The following RAP1GAP2 variants were observed in gnomAD, a reference collection of about 807,000 sequenced individuals.
RAP1GAP2 encodes the protein RAP1 GTPase activating protein 2, also known as rap1 GTPase-activating protein 2.
Under a neutral mutation model 95.0 loss-of-function variants are expected in RAP1GAP2, and 27 were observed. The observed-to-expected ratio is 0.28, with a 90% confidence interval of 0.21 to 0.39. The LOEUF (loss-of-function observed/expected upper bound fraction) is 0.39. Among genes scored for constraint, RAP1GAP2 ranks in the 10% least tolerant of loss-of-function variants. RAP1GAP2 has a pLI of 1.00. For synonymous variants in RAP1GAP2, 373 were observed against 380.9 expected, an observed-to-expected ratio of 0.98 and a Z score of 0.24; for missense variants, 771 against 970.0, an observed-to-expected ratio of 0.79 and a Z score of 2.72.
At position 2,965,697 on chromosome 17, in the gene RAP1GAP2, G is replaced by T. The variant is rs140967348; in HGVS notation, c.596+54G>T. ...TTCTCTTCCAGGCAGGGCTCTCATC[G>T]GTGGTGTGGGGGCTGGGATGGGACT... On this transcript the variant is annotated intron_variant, in intron 8 of 24. Coordinates refer to ENST00000254695, the MANE Select transcript of RAP1GAP2 (RefSeq NM_015085.5). This position sits in a 1 kb window ranked among gnomAD's most constrained non-coding sequence, Gnocchi z 4.7. The T allele has an allele frequency of 5.3e-6, 7 of 1,311,970 alleles. No homozygotes were observed. The highest frequency in any genetic ancestry group is 3.8e-5 in the South Asian group (3 of 79,912). The allele number at this position is 1,311,970 out of a possible 1,614,324, so 81.3% of individuals were successfully genotyped here. A position where few individuals can be genotyped will look rare whatever the true frequency, so the allele number is the denominator to read the frequency against.
intron 16 of RAP1GAP2, among the ~76,000 whole-genome samples, chr17:3,006,297 T>C (rs1008981692): frequency 2.0e-5 from 3 of 150,242 alleles, no homozygotes; most frequent in Admixed American, 1.3e-4. Context: ...CCCAGCTAAT[T>C]TTTGTATTTT....
intron 1 of RAP1GAP2, among the ~76,000 whole-genome samples, chr17:2,758,156 A>C (rs936047393): frequency 1.4e-5 from 2 of 141,794 alleles, no homozygotes; most frequent in Non-Finnish European, 3.0e-5. Flanking sequence ...GGCGTGAGCC[A>C]CCACGCCTGG....
chr17:2,891,809 C>CTTTTTTTTTTTTTTTTTTTTTT (rs1488865061), intron 2 of RAP1GAP2, among the ~76,000 whole-genome samples: 1 of 58,030 alleles, frequency 1.7e-5, no homozygotes, highest in African/African-American at 5.7e-5. Flanking sequence ...ATTCATATTT[C>CTTTTTTTTTTTTTTTTTTTTTT]TTTTCTTTTT....
chr17:2,950,274 A>G (rs2043871144), intron 3 of RAP1GAP2, among the ~76,000 whole-genome samples: 1 of 151,090 alleles, frequency 6.6e-6, no homozygotes, highest in Non-Finnish European at 1.5e-5. Flanking sequence ...CTGGTCTCAA[A>G]CTCCTGGCCT....
intron 17 of RAP1GAP2, among the ~76,000 whole-genome samples, chr17:3,015,709 C>T (rs529599514): frequency 1.1e-4 from 17 of 151,932 alleles, no homozygotes; most frequent in African/African-American, 4.1e-4. Flanking sequence ...CCCAGCTACT[C>T]GGGAGGCTGA....
chr17:3,022,246 A>G (rs2046984980), intron 19 of RAP1GAP2, among the ~76,000 whole-genome samples: 2 of 152,202 alleles, frequency 1.3e-5, no homozygotes, highest in Admixed American at 1.3e-4. Flanking sequence ...CAGACTCCAA[A>G]TTATTAAAGA....
chr17:2,778,652 AGGCCCT>A (rs1370627077), intron 1 of RAP1GAP2, among the ~76,000 whole-genome samples: 2 of 152,094 alleles, frequency 1.3e-5, no homozygotes, highest in Non-Finnish European at 1.5e-5. Flanking sequence ...CTAAGCATGA[AGGCCCT>A]GCTGTCACTC....
At chr17:2,835,441 G>A (rs530775506) in intron 2 of RAP1GAP2, among the ~76,000 whole-genome samples, 1 of 151,674 alleles carries the variant, frequency 6.6e-6, no homozygotes, top group Non-Finnish European at 1.5e-5. Context: ...GGATGGTCTC[G>A]AACTCCTGAC....
intron 2 of RAP1GAP2, among the ~76,000 whole-genome samples, chr17:2,885,028 C>CTTTTTTTTTT (rs891984333): frequency 2.7e-5 from 3 of 112,508 alleles, no homozygotes; most frequent in African/African-American, 1.1e-4. Flanking sequence ...TTATTTCTTT[C>CTTTTTTTTTT]TTTTTTTTTT....
chr17:2,961,250 C>T (rs922378135), intron 4 of RAP1GAP2, among the ~76,000 whole-genome samples: 17 of 149,256 alleles, frequency 1.1e-4, no homozygotes, highest in African/African-American at 4.2e-4. Context: ...TGCAGTGGCT[C>T]ACGCCTATAA....
intron 3 of RAP1GAP2, among the ~76,000 whole-genome samples, chr17:2,933,958 T>C (rs1255063211): frequency 6.6e-6 from 1 of 152,234 alleles, no homozygotes; most frequent in African/African-American, 2.4e-5. Context: ...GGAGCCCCAG[T>C]TGTTTCTTGG....
chr17:2,849,898 T>C (rs1483494092), intron 2 of RAP1GAP2, among the ~76,000 whole-genome samples: 2 of 152,112 alleles, frequency 1.3e-5, no homozygotes, highest in Non-Finnish European at 2.9e-5. Flanking sequence ...AGCAGAGTAA[T>C]GTGAAAATTC....
At chr17:2,931,093 GC>G (rs1249039674) in intron 3 of RAP1GAP2, among the ~76,000 whole-genome samples, 1 of 148,274 alleles carries the variant, frequency 6.7e-6, no homozygotes, top group African/African-American at 2.5e-5. Context: ...TTGCACTCTG[GC>G]CTGGGTGACA....
intron 1 of RAP1GAP2, among the ~76,000 whole-genome samples, chr17:2,798,731 C>A (rs1295727688): frequency 1.3e-5 from 2 of 152,178 alleles, no homozygotes; most frequent in Non-Finnish European, 2.9e-5. Context: ...ACAGTCCTCT[C>A]CATCTCCCAT....
At chr17:2,816,401 G>A (rs1464801090) in intron 2 of RAP1GAP2, among the ~76,000 whole-genome samples, 1 of 151,848 alleles carries the variant, frequency 6.6e-6, no homozygotes, top group East Asian at 1.9e-4. Flanking sequence ...GCAGTGGCGC[G>A]ATCTTGGCTC....
At chr17:2,818,351 C>A (rs900415653) in intron 2 of RAP1GAP2, among the ~76,000 whole-genome samples, 2 of 144,560 alleles carry the variant, frequency 1.4e-5, no homozygotes, top group East Asian at 4.1e-4. Context: ...ATTTTTGAGA[C>A]GGAGTCTCTG....
intron 1 of RAP1GAP2, among the ~76,000 whole-genome samples, chr17:2,789,624 A>C (rs531058197): frequency 4.9e-4 from 74 of 150,336 alleles, no homozygotes; most frequent in African/African-American, 1.5e-3. Context: ...AAAAAAAAAA[A>C]AAAAAACATT....
chr17:2,799,346 G>C (rs2069186900), intron 1 of RAP1GAP2, among the ~76,000 whole-genome samples: 1 of 152,228 alleles, frequency 6.6e-6, no homozygotes, highest in Non-Finnish European at 1.5e-5. Context: ...GCCCCTCGGG[G>C]TGCCGCTTGC....
rs576890684 is a variant in RAP1GAP2, at chr17:2,907,918, T to C, written c.165+2550T>C. Among the ~76,000 whole-genome samples the C allele has an allele frequency of 2.6e-5, 4 of 152,232 alleles. No homozygotes were observed. The South Asian group carries it at 8.3e-4, about 32-fold the overall frequency. On this transcript the variant is annotated intron_variant, in intron 3 of 24. Transcript: ENST00000254695. ...ACCTCCTGGGTTCAAGCGCTTCTCC[T>C]ACCTGAGCCTCCCGAGTAGCTGGGA...
Sources: gnomAD v4.1 joint callset for allele counts (sites outside exome capture counted in the v4.1 genomes callset) on GRCh38, gnomAD v4.1.1 for gene constraint, Gnocchi (gnomAD v3.1) non-coding constraint, MANE v1.5 for transcripts, NCBI Gene and HGNC (gene_info 2026-07-23, HGNC 2026-07-21) for gene names.